MYDGF: variants seen among roughly 807,000 people sequenced by gnomAD.
MYDGF encodes myeloid-derived growth factor.
MYDGF carries 29 observed loss-of-function variants against 24.2 expected under a neutral mutation model. That is an observed-to-expected ratio of 1.20 (90% CI 0.89 to 1.63). MYDGF has a LOEUF of 1.63. MYDGF is among the 40% of genes most tolerant of loss of function. The pLI, the probability that MYDGF is intolerant of heterozygous loss-of-function variation, is 0.00. For missense variants in MYDGF, 245 were observed against 234.8 expected, an observed-to-expected ratio of 1.04 and a Z score of -0.29; for synonymous variants, 105 against 102.5, an observed-to-expected ratio of 1.02 and a Z score of -0.15.
chr19:4,659,413 T>C (rs1303919937), intron 5 of MYDGF, among the ~76,000 whole-genome samples: 1 of 151,422 alleles, frequency 6.6e-6, no homozygotes, highest in East Asian at 2.0e-4. Flanking sequence ...TTAGTAGAGA[T>C]GGGGTTTCAT....
At chr19:4,661,548 C>A (rs2088471299) in intron 3 of MYDGF, among the ~76,000 whole-genome samples, 1 of 152,166 alleles carries the variant, frequency 6.6e-6, no homozygotes, top group African/African-American at 2.4e-5. Context: ...TTCTAAGGAA[C>A]TGGAGTGGCA....
At chr19:4,659,775 A>C in intron 5 of MYDGF, 156 bp downstream of exon 5, 1 of 683,860 alleles carries the variant, frequency 1.5e-6, no homozygotes, top group Non-Finnish European at 2.6e-6. Context: ...ACAAAGCTGA[A>C]GATATTGACG....
chr19:4,663,860 C>T (rs531436819), intron 3 of MYDGF, among the ~76,000 whole-genome samples: 58 of 147,214 alleles, frequency 3.9e-4, no homozygotes, highest in African/African-American at 1.2e-3. Flanking sequence ...TCAATCTGCG[C>T]CCCACCCCCA....
chr19:4,665,043 C>T (rs370180657), intron 2 of MYDGF, 106 bp from the exon 3 acceptor site: 28 of 1,244,412 alleles, frequency 2.3e-5, no homozygotes, highest in African/African-American at 1.3e-4. Context: ...CTGTACCTCC[C>T]GATTCAGGGG....
In MYDGF at chr19:4,657,866, C is replaced by T. The variant is rs760615696; in HGVS notation, c.*139G>A. On this transcript the variant is annotated 3_prime_UTR_variant, in exon 6 of 6. Coordinates refer to ENST00000262947, the MANE Select transcript of MYDGF (RefSeq NM_019107.4). Reference sequence around the variant, plus strand: ...GCTTCAGCCACCCTGCAAGCCCCTCCGGACAAGGCAACGTCAGCCCAGGTA... The same window carrying T: ...GCTTCAGCCACCCTGCAAGCCCCTCTGGACAAGGCAACGTCAGCCCAGGTA... 24 of 777,162 alleles carry T rather than the reference C, an allele frequency of 3.1e-5. No individual in the cohort carries two copies. The highest frequency in any genetic ancestry group is 2.8e-4 in the South Asian group (15 of 53,414). The allele number at this position is 777,162 out of a possible 1,614,324, so 48.1% of individuals were successfully genotyped here. A position where few individuals can be genotyped will look rare whatever the true frequency, so the allele number is the denominator to read the frequency against.
chr19:4,660,978 T>C (rs2145183263), intron 3 of MYDGF, among the ~76,000 whole-genome samples: 1 of 150,394 alleles, frequency 6.6e-6, no homozygotes, highest in African/African-American at 2.4e-5. Context: ...TTTTTTTTTT[T>C]TTTTTTTGGA....
At chr19:4,665,711 C>T (rs944799189) in intron 2 of MYDGF, among the ~76,000 whole-genome samples, 18 of 150,668 alleles carry the variant, frequency 1.2e-4, no homozygotes, top group African/African-American at 4.4e-4. Context: ...GTCCCAGCTA[C>T]TCGGGAGGCT....
intron 5 of MYDGF, among the ~76,000 whole-genome samples, chr19:4,658,380 C>T (rs2088440467): frequency 6.6e-6 from 1 of 152,170 alleles, no homozygotes. Flanking sequence ...AGAAGAGATG[C>T]AGAAAGGGGC....
At chr19:4,658,885 C>T (rs1309816665) in intron 5 of MYDGF, among the ~76,000 whole-genome samples, 2 of 152,030 alleles carry the variant, frequency 1.3e-5, no homozygotes, top group African/African-American at 4.8e-5. Flanking sequence ...TCACTGCAAC[C>T]TCCTGCTCCT....
intron 4 of MYDGF, 48 bp downstream of exon 4, chr19:4,660,621 A>C: frequency 2.0e-6 from 3 of 1,529,684 alleles, no homozygotes. Flanking sequence ...CAGCTGCCCC[A>C]GTGCACAGAA....
chr19:4,668,781 G>T, intron 1 of MYDGF, 136 bp from the exon 2 acceptor site: 1 of 657,908 alleles, frequency 1.5e-6, no homozygotes, highest in South Asian at 1.7e-5. Flanking sequence ...TCCCAGGTTT[G>T]AGTAATCCTC....
At chr19:4,665,370 C>G (rs533891071) in intron 2 of MYDGF, among the ~76,000 whole-genome samples, 7 of 152,128 alleles carry the variant, frequency 4.6e-5, no homozygotes, top group Non-Finnish European at 1.0e-4. Flanking sequence ...CCACACCCAG[C>G]TAATTTTTGT....
chr19:4,659,459 A>G (rs2088451788), intron 5 of MYDGF, among the ~76,000 whole-genome samples: 1 of 151,314 alleles, frequency 6.6e-6, no homozygotes, highest in South Asian at 2.1e-4. Flanking sequence ...CCTGACCTCA[A>G]GTGTTCCGCC....
At chr19:4,658,182 A>C in intron 5 of MYDGF, 98 bp from the exon 6 acceptor site, 1 of 1,002,552 alleles carries the variant, frequency 1.0e-6, no homozygotes, top group East Asian at 2.6e-5. Flanking sequence ...TAAGCAGGCA[A>C]GGGGAGCAGT....
At position 4,657,940 on chromosome 19, in the gene MYDGF, C is replaced by T; in HGVS notation, c.*65G>A. 7.0e-7 allele frequency: 1 copy of T among 1,433,194 alleles called. No individual in the cohort carries two copies. The highest frequency in any genetic ancestry group is 2.4e-5 in the East Asian group (1 of 41,724). The allele number at this position is 1,433,194 out of a possible 1,614,324, so 88.8% of individuals were successfully genotyped here. A position where few individuals can be genotyped will look rare whatever the true frequency, so the allele number is the denominator to read the frequency against. ...AAAACCAGTGATGTGCTGGCCCTTT[C>T]AGGGACACAGGCCCCTTCAGCTTCA... On this transcript the variant is annotated 3_prime_UTR_variant, in exon 6 of 6. Transcript: ENST00000262947.
rs1377574780 is a variant in MYDGF at position 4,670,204 on chromosome 19, G to A, written c.131C>T (p.Pro44Leu). The change falls in exon 1 of 6, where the codon CCC (proline) becomes CTC (leucine). Residue 44 changes from proline to leucine, a missense_variant. Physicochemically the swap from Pro to Leu is moderately conservative, Grantham distance 98. Transcript: ENST00000262947. ...GGAGAAGGAATGCACGACGCCGCCGGGCCGCACGTCAAACGCCACCGTCGT... is the reference window on the plus strand; with the variant it reads ...GGAGAAGGAATGCACGACGCCGCCGAGCCGCACGTCAAACGCCACCGTCGT... ...EPTTVAFDVR[P>L]GGVVHSFSHN... 1 of 1,560,766 alleles carries A rather than the reference G, an allele frequency of 6.4e-7. No individual in the cohort carries two copies. Among genetic ancestry groups the A allele is most frequent in the Non-Finnish European group, 8.6e-7 (1 of 1,156,688 alleles).
intron 1 of MYDGF, among the ~76,000 whole-genome samples, chr19:4,669,733 T>C (rs2088549208): frequency 6.6e-6 from 1 of 152,116 alleles, no homozygotes; most frequent in Non-Finnish European, 1.5e-5. Flanking sequence ...GGGGACCTTG[T>C]GCAATGGAAG....
At chr19:4,659,604 C>G (rs916372776) in intron 5 of MYDGF, 15 of 465,610 alleles carry the variant, frequency 3.2e-5, no homozygotes, top group African/African-American at 2.7e-4. Context: ...TCCAATGATC[C>G]TCCCACCTTA....
chr19:4,669,676 C>T (rs1022864341), intron 1 of MYDGF, among the ~76,000 whole-genome samples: 2 of 152,180 alleles, frequency 1.3e-5, no homozygotes, highest in African/African-American at 4.8e-5. Context: ...ACTTTGCCGA[C>T]AAGCTGAGTA....
Sources: gnomAD v4.1 joint callset for allele counts (sites outside exome capture counted in the v4.1 genomes callset) on GRCh38, gnomAD v4.1.1 for gene constraint, MANE v1.5 for transcripts, NCBI Gene and HGNC (gene_info 2026-07-23, HGNC 2026-07-21) for gene names.